APC: variants seen among roughly 807,000 people sequenced by gnomAD.
The protein encoded by APC is adenomatous polyposis coli protein.
A neutral mutation model predicts 247.0 loss-of-function variants in APC; 72 were observed. The observed-to-expected ratio is 0.29, with a 90% CI of 0.24 to 0.35. The LOEUF (loss-of-function observed/expected upper bound fraction) is 0.35. Ranked by LOEUF, APC falls within the 10% of genes least tolerant of loss-of-function variation. The pLI is 1.00. For missense variants in APC, 3,400 were observed against 3,360.7 expected, an observed-to-expected ratio of 1.01 and a Z score of -0.29; for synonymous variants, 1,254 against 1,162.5, an observed-to-expected ratio of 1.08 and a Z score of -1.60.
chr5:112,820,154 A>G (rs1762971613), intron 10 of APC, among the ~76,000 whole-genome samples: 1 of 151,468 alleles, frequency 6.6e-6, no homozygotes, highest in African/African-American at 2.4e-5. Context: ...TATGTAAGGT[A>G]AGACCTTCCT....
rs1170818329 is a variant in APC, at chr5:112,707,724, G to A, written c.7G>A (p.Ala3Thr). 3 of 1,370,614 alleles carry A rather than the reference G, an allele frequency of 2.2e-6. No homozygotes were observed. In the East Asian group the frequency reaches 1.0e-4, roughly 47 times the overall value. The allele number at this position is 1,370,614 out of a possible 1,614,324, so 84.9% of individuals were successfully genotyped here. ...TCGGGCCTCGGCGCCCCCTATGTAC[G>A]CCTCCCTGGGCTCGGGTCCGGTCGC... is the stretch of plus-strand genomic sequence containing the variant. Residue 3 changes from alanine (A) to threonine (T), a missense_variant, in exon 1 of 14, where the codon GCC (alanine) becomes ACC (threonine). Ala to Thr is a moderately conservative substitution (Grantham distance 58, BLOSUM62 0). Coordinates refer to the APC transcript ENST00000507379.
intron 7 of APC, among the ~76,000 whole-genome samples, chr5:112,794,394 T>C (rs914308407): frequency 5.9e-5 from 9 of 152,152 alleles, no homozygotes; most frequent in African/African-American, 2.2e-4. Context: ...TTAAACCTTT[T>C]AAAAGAAAAT....
At chr5:112,814,729 T>C (rs1295630746) in intron 8 of APC, among the ~76,000 whole-genome samples, 1 of 152,224 alleles carries the variant, frequency 6.6e-6, no homozygotes, top group Non-Finnish European at 1.5e-5. Context: ...CTCCACAGCT[T>C]GACAGCAACA....
intron 8 of APC, among the ~76,000 whole-genome samples, chr5:112,802,078 G>T (rs1760890486): frequency 6.6e-6 from 1 of 152,012 alleles, no homozygotes; most frequent in African/African-American, 2.4e-5. Context: ...AATATTTTTA[G>T]AGTGTAAATG....
intron 1 of APC, among the ~76,000 whole-genome samples, chr5:112,722,855 C>T (rs570711173): frequency 1.3e-5 from 2 of 152,194 alleles, no homozygotes; most frequent in South Asian, 4.1e-4. Flanking sequence ...GAACCCTGTC[C>T]TCTTGGCTTT....
intron 1 of APC, among the ~76,000 whole-genome samples, chr5:112,712,090 G>C (rs1750885621): frequency 6.6e-6 from 1 of 152,206 alleles, no homozygotes; most frequent in Non-Finnish European, 1.5e-5. Context: ...AGCCAGTGGA[G>C]TGAATCTTAC....
chr5:112,835,318 A>T (rs1764766404), intron 15 of APC, among the ~76,000 whole-genome samples, 153 bp downstream of exon 15: 2 of 152,228 alleles, frequency 1.3e-5, no homozygotes, highest in African/African-American at 4.8e-5. Context: ...AGTTTAACTC[A>T]TTAGTGTACT....
Position 112,727,107 on chromosome 5 carries a change from C to G in APC, c.165+19225C>G, listed in dbSNP as rs116515040. On this transcript the variant is annotated intron_variant, in intron 1 of 13. Coordinates refer to the APC transcript ENST00000507379. ...TGGTAAAAACGCAATTACTTTTGCA[C>G]CAACCTACTCTTAGGGGTAGTCAGG... Among the ~76,000 whole-genome samples, 751 of 151,676 alleles carry G rather than the reference C, an allele frequency of 5.0e-3. 4 individuals are homozygous for G. Among genetic ancestry groups the G allele is most frequent in the African/African-American group, 0.017 (718 of 41,418 alleles).
intron 14 of APC, among the ~76,000 whole-genome samples, chr5:112,830,287 T>C (rs865788890): frequency 6.6e-6 from 1 of 152,176 alleles, no homozygotes; most frequent in Non-Finnish European, 1.5e-5. Context: ...GAAAAGAACA[T>C]GGCCGATAAG....
At chr5:112,800,186 A>G (rs1018736729) in intron 7 of APC, among the ~76,000 whole-genome samples, 4 of 151,892 alleles carry the variant, frequency 2.6e-5, no homozygotes, top group African/African-American at 9.7e-5. Flanking sequence ...ATGGTCAGTA[A>G]TTTTCTTTAA....
intron 8 of APC, 38 bp from the exon 9 acceptor site, chr5:112,815,457 G>T (rs2149761886): frequency 6.8e-7 from 1 of 1,461,688 alleles, no homozygotes; most frequent in South Asian, 1.1e-5. Flanking sequence ...TTTACCTATA[G>T]TCTAAATTAT....
At chr5:112,749,712 C>G (rs951199660) in intron 1 of APC, among the ~76,000 whole-genome samples, 1 of 151,498 alleles carries the variant, frequency 6.6e-6, no homozygotes, top group Non-Finnish European at 1.5e-5. Context: ...GTCTCGATCT[C>G]CTGACCTCGT....
At chr5:112,730,007 C>T (rs147460921) in intron 1 of APC, among the ~76,000 whole-genome samples, 131 of 152,276 alleles carry the variant, frequency 8.6e-4, no homozygotes, top group African/African-American at 3.1e-3. Context: ...ACGATAACCC[C>T]AAACTCTGTT....
At chr5:112,802,398 G>A (rs1001819923) in intron 8 of APC, among the ~76,000 whole-genome samples, 3 of 152,068 alleles carry the variant, frequency 2.0e-5, no homozygotes, top group Non-Finnish European at 2.9e-5. Flanking sequence ...TCTGTCTTTT[G>A]TTTAGGGAAT....
chr5:112,718,925 A>G (rs924991693), intron 1 of APC, among the ~76,000 whole-genome samples: 12 of 152,232 alleles, frequency 7.9e-5, no homozygotes, highest in African/African-American at 2.4e-4. Context: ...ACTTTAAGCT[A>G]TGGTTGCCTT....
chr5:112,770,723 A>T (rs1756942488), intron 4 of APC, among the ~76,000 whole-genome samples: 1 of 152,130 alleles, frequency 6.6e-6, no homozygotes, highest in Non-Finnish European at 1.5e-5. Flanking sequence ...TAATATGTTT[A>T]TATTGCTAGT....
chr5:112,741,935 C>T (rs557566196), intron 1 of APC, among the ~76,000 whole-genome samples: 52 of 152,318 alleles, frequency 3.4e-4, no homozygotes, highest in African/African-American at 1.1e-3. Context: ...TTCATCCATA[C>T]TGTAGCCATG....
intron 1 of APC, among the ~76,000 whole-genome samples, chr5:112,717,607 T>G (rs1751243103): frequency 6.6e-6 from 1 of 152,168 alleles, no homozygotes; most frequent in African/African-American, 2.4e-5. Flanking sequence ...ATTTCATTGT[T>G]ATTGAGACCT....
chr5:112,728,483 G>A (rs1751923659), intron 1 of APC, among the ~76,000 whole-genome samples: 1 of 152,132 alleles, frequency 6.6e-6, no homozygotes, highest in South Asian at 2.1e-4. Flanking sequence ...GCTCAGGGAA[G>A]CCAAAATATT....
Sources: allele counts gnomAD v4.1 joint callset (sites outside exome capture counted in the v4.1 genomes callset), GRCh38; gene constraint gnomAD v4.1.1; transcripts MANE v1.5; gene names NCBI Gene and HGNC (gene_info 2026-07-23, HGNC 2026-07-21).